The following KCNH8 variants were observed in gnomAD, a reference collection of about 807,000 sequenced individuals.
The protein encoded by KCNH8 is potassium voltage-gated channel subfamily H member 8.
A neutral mutation model predicts 103.6 loss-of-function variants in KCNH8; 70 were observed. The ratio of observed to expected loss-of-function variants is 0.68; its 90% CI spans 0.56 to 0.82. The LOEUF is 0.82. Among genes scored for constraint, KCNH8 ranks in the 40% least tolerant of loss-of-function variants. The pLI, the probability that KCNH8 is intolerant of heterozygous loss-of-function variation, is 0.00. For missense variants in KCNH8, 1,217 were observed against 1,329.9 expected (o/e 0.92, Z 1.32); for synonymous variants, 498 against 489.4 (o/e 1.02, Z -0.23).
At chr3:19,424,142 A>G (rs1196306361) in intron 7 of KCNH8, among the ~76,000 whole-genome samples, 1 of 152,168 alleles carries the variant, frequency 6.6e-6, no homozygotes, top group Non-Finnish European at 1.5e-5. Flanking sequence ...AAAAGTTTCC[A>G]TAGCCAACAC....
chr3:19,327,486 C>T (rs901062887), intron 3 of KCNH8, among the ~76,000 whole-genome samples: 1 of 152,128 alleles, frequency 6.6e-6, no homozygotes, highest in African/African-American at 2.4e-5. Context: ...GACGGGGTTT[C>T]ACCATGTTGG....
Position 19,288,985 on chromosome 3 carries a change from G to C in KCNH8, c.442+7656G>C, listed in dbSNP as rs544812638. Among the ~76,000 whole-genome samples the C allele has an allele frequency of 1.2e-4, 18 of 152,304 alleles. No homozygotes were observed. In the East Asian group the frequency reaches 2.7e-3, roughly 23 times the overall value. On this transcript the variant is annotated intron_variant, in intron 3 of 15. Coordinates refer to ENST00000328405, the MANE Select transcript of KCNH8 (RefSeq NM_144633.3). ...TTGCATTTCTCTGATGGCCAGTGAT[G>C]ATGAGCATTTTTTCACGTGTCTTTT...
intron 1 of KCNH8, among the ~76,000 whole-genome samples, chr3:19,215,166 A>G (rs2063806388): frequency 6.6e-6 from 1 of 152,178 alleles, no homozygotes; most frequent in African/African-American, 2.4e-5. Context: ...CTATTCTCCC[A>G]TCAGGTTTAT....
At chr3:19,425,471 T>G (rs111650019) in intron 7 of KCNH8, among the ~76,000 whole-genome samples, 34 of 152,316 alleles carry the variant, frequency 2.2e-4, no homozygotes, top group African/African-American at 8.2e-4. Context: ...ATTGTGCATG[T>G]TCACTAAATA....
At chr3:19,479,429 G>T (rs2068042742) in intron 11 of KCNH8, among the ~76,000 whole-genome samples, 1 of 152,092 alleles carries the variant, frequency 6.6e-6, no homozygotes, top group African/African-American at 2.4e-5. Flanking sequence ...AACAAGCAAA[G>T]GAAATATAGT....
intron 11 of KCNH8, among the ~76,000 whole-genome samples, chr3:19,504,324 C>G (rs571515790): frequency 1.3e-5 from 2 of 152,232 alleles, no homozygotes; most frequent in East Asian, 3.9e-4. Flanking sequence ...GCAACAAAAG[C>G]AAAAATTAAT....
chr3:19,511,844 T>C (rs1321745904), intron 12 of KCNH8, among the ~76,000 whole-genome samples: 1 of 152,178 alleles, frequency 6.6e-6, no homozygotes. Flanking sequence ...TGGCCTAAAC[T>C]GAACGGGCTA....
chr3:19,385,839 T>G (rs1260428532), intron 5 of KCNH8, among the ~76,000 whole-genome samples: 12 of 152,182 alleles, frequency 7.9e-5, no homozygotes, highest in Admixed American at 7.9e-4. Flanking sequence ...GCTGGTTTAA[T>G]TAAATATCTC....
chr3:19,276,836 TC>T (rs1181781976), intron 2 of KCNH8, among the ~76,000 whole-genome samples: 1 of 152,096 alleles, frequency 6.6e-6, no homozygotes, highest in Non-Finnish European at 1.5e-5. Context: ...TTCCATATAA[TC>T]CAGCAATTCC....
At chr3:19,290,171 A>G (rs530192760) in intron 3 of KCNH8, among the ~76,000 whole-genome samples, 53 of 152,290 alleles carry the variant, frequency 3.5e-4, no homozygotes, top group African/African-American at 1.1e-3. Flanking sequence ...TTTTCTAGAT[A>G]TACAATCATG....
chr3:19,273,875 T>G (rs2064625256), intron 2 of KCNH8, among the ~76,000 whole-genome samples: 1 of 152,190 alleles, frequency 6.6e-6, no homozygotes. Flanking sequence ...TTTTCAGTCT[T>G]AAACTAAAAT....
At chr3:19,501,136 A>T (rs970937077) in intron 11 of KCNH8, among the ~76,000 whole-genome samples, 7 of 152,200 alleles carry the variant, frequency 4.6e-5, no homozygotes, top group Non-Finnish European at 1.0e-4. Context: ...CCATCAGAGA[A>T]TACTACAAAC....
chr3:19,289,962 A>G (rs911410255), intron 3 of KCNH8, among the ~76,000 whole-genome samples: 1 of 152,102 alleles, frequency 6.6e-6, no homozygotes, highest in Non-Finnish European at 1.5e-5. Flanking sequence ...GGTCCTTCAC[A>G]TCCCTTGTAA....
chr3:19,389,576 T>G (rs1440273043), intron 5 of KCNH8, among the ~76,000 whole-genome samples: 1 of 152,000 alleles, frequency 6.6e-6, no homozygotes, highest in Non-Finnish European at 1.5e-5. Flanking sequence ...TACATGGAAA[T>G]AAGTAATATT....
chr3:19,430,651 G>A (rs112643969), intron 7 of KCNH8, among the ~76,000 whole-genome samples: 22 of 151,964 alleles, frequency 1.4e-4, no homozygotes, highest in African/African-American at 5.3e-4. Flanking sequence ...CGTCATCTCT[G>A]ATTTTCTTGA....
chr3:19,193,370 C>T (rs1261530727), intron 1 of KCNH8, among the ~76,000 whole-genome samples: 3 of 151,618 alleles, frequency 2.0e-5, no homozygotes, highest in Non-Finnish European at 4.4e-5. Flanking sequence ...GTCTTTCAGT[C>T]ATGCCATTCT....
chr3:19,169,436 T>G (rs1374070595), intron 1 of KCNH8, among the ~76,000 whole-genome samples: 2 of 152,026 alleles, frequency 1.3e-5, no homozygotes, highest in African/African-American at 4.8e-5. Context: ...TTAGTAGAGA[T>G]GGGTTTTCAC....
intron 7 of KCNH8, among the ~76,000 whole-genome samples, chr3:19,426,680 A>G (rs1487236972): frequency 6.6e-6 from 1 of 151,946 alleles, no homozygotes; most frequent in African/African-American, 2.4e-5. Context: ...CTCATGACCA[A>G]GTGATATGAT....
At chr3:19,221,061 T>C (rs1210030471) in intron 1 of KCNH8, among the ~76,000 whole-genome samples, 2 of 152,236 alleles carry the variant, frequency 1.3e-5, no homozygotes, top group Non-Finnish European at 2.9e-5. Flanking sequence ...ATTTTCCTTC[T>C]GCCACACTTA....
Sources: gnomAD v4.1 joint callset for allele counts (sites outside exome capture counted in the v4.1 genomes callset) on GRCh38, gnomAD v4.1.1 for gene constraint, MANE v1.5 for transcripts, NCBI Gene and HGNC (gene_info 2026-07-23, HGNC 2026-07-21) for gene names.